Variants in ITGA3 observed in about 807,000 individuals in gnomAD.
The protein encoded by ITGA3 is integrin subunit alpha 3.
A neutral mutation model predicts 131.1 loss-of-function variants in ITGA3; 70 were observed. That is an observed-to-expected ratio of 0.53 (90% CI 0.44 to 0.65). The LOEUF (loss-of-function observed/expected upper bound fraction) is 0.65. ITGA3 is among the 30% of genes least tolerant of loss of function. ITGA3 has a pLI of 0.00. For missense variants in ITGA3, 1,098 were observed against 1,388.6 expected (o/e 0.79, Z 3.33); for synonymous variants, 537 against 571.6 (o/e 0.94, Z 0.86).
intron 25 of ITGA3, 98 bp downstream of exon 25, chr17:50,088,464 C>A: frequency 1.5e-6 from 1 of 646,246 alleles, no homozygotes. Flanking sequence ...CCTGCTCTGA[C>A]CTCATTCTGT....
chr17:50,075,745 G>C lies in ITGA3; in HGVS notation c.1674+10G>C. 2 of 1,613,846 alleles carry C rather than the reference G, an allele frequency of 1.2e-6. No homozygotes were observed. The highest frequency in any genetic ancestry group is 1.7e-6 in the Non-Finnish European group (2 of 1,179,816). ...GGAGCTGCTCCTGATGGTGAGGGAGGAGCAAGGGTCAGGATGAGGGCTCCC... is the reference window on the plus strand; with the variant it reads ...GGAGCTGCTCCTGATGGTGAGGGAGCAGCAAGGGTCAGGATGAGGGCTCCC... On this transcript the variant is annotated intron_variant, in intron 12 of 25. Transcript: ENST00000320031.
chr17:50,083,491 G>C (rs1419924832), intron 23 of ITGA3, among the ~76,000 whole-genome samples: 2 of 151,814 alleles, frequency 1.3e-5, no homozygotes, highest in Non-Finnish European at 2.9e-5. Flanking sequence ...TGGAGACTGA[G>C]GCAGGCAGGT....
chr17:50,072,332 TAGAG>T (rs1908671155), intron 7 of ITGA3, 150 bp downstream of exon 7: 2 of 692,982 alleles, frequency 2.9e-6, no homozygotes, highest in Non-Finnish European at 4.8e-6. Flanking sequence ...GCAGCAGTAC[TAGAG>T]AGAGGATGTG....
At chr17:50,078,762 C>A (rs1002321097) in intron 18 of ITGA3, 62 bp from the exon 19 acceptor site, 3 of 952,566 alleles carry the variant, frequency 3.1e-6, no homozygotes, top group South Asian at 2.8e-5. Flanking sequence ...TGGTGCCCAC[C>A]CCCCTCTGCC....
At chr17:50,084,261 AATG>A (rs1267445761) in intron 23 of ITGA3, among the ~76,000 whole-genome samples, 1 of 150,010 alleles carries the variant, frequency 6.7e-6, no homozygotes, top group Non-Finnish European at 1.5e-5. Context: ...AAAAAAGAAT[AATG>A]CTGTCTAATG....
rs1475429202 is a variant in ITGA3, at chr17:50,079,551, T to C, written c.2700T>C (p.Thr900=). Residue 900 remains threonine (T), a synonymous_variant, in exon 21 of 26, where the codon ACT becomes ACC. Coordinates refer to ENST00000320031, the MANE Select transcript of ITGA3 (RefSeq NM_002204.4). ...CTGCCAAAAAAGCCAAGTCTGAGACTGTGCTGGTGAGTGGCCAGGGCGAGG... is the reference window on the plus strand; with the variant it reads ...CTGCCAAAAAAGCCAAGTCTGAGACCGTGCTGGTGAGTGGCCAGGGCGAGG... The part of the protein sequence containing the change: ...LAAAKKAKSE[T]VLTCATGRAH... 2 of 1,529,180 alleles carry C rather than the reference T, an allele frequency of 1.3e-6. No individual in the cohort carries two copies. The highest frequency in any genetic ancestry group is 1.3e-5 in the South Asian group (1 of 77,926). 94.7% of individuals were successfully genotyped at this position (1,529,180 alleles called of 1,614,324 possible).
At chr17:50,085,771 TAC>T in intron 23 of ITGA3, among the ~76,000 whole-genome samples, 1 of 124,098 alleles carries the variant, frequency 8.1e-6, no homozygotes, top group Non-Finnish European at 1.8e-5. Context: ...TATTAGATTA[TAC>T]ATTATAGATT....
At chr17:50,073,363 TG>T (rs1364569104) in intron 7 of ITGA3, among the ~76,000 whole-genome samples, 11 of 152,304 alleles carry the variant, frequency 7.2e-5, no homozygotes, top group African/African-American at 2.4e-4. Flanking sequence ...TGTACAACTC[TG>T]GGTTTTTGGA....
At chr17:50,087,137 A>T (rs1313685334) in intron 23 of ITGA3, 1 of 152,190 alleles carries the variant, frequency 6.6e-6, no homozygotes, top group Admixed American at 6.5e-5. Flanking sequence ...GTGAATATTT[A>T]TGGAGTGTTT....
In ITGA3 at chr17:50,064,216, G is replaced by A; in HGVS notation, c.334+12G>A. The A allele has an allele frequency of 6.3e-7, 1 of 1,599,754 alleles. No homozygotes were observed. Among genetic ancestry groups the A allele is most frequent in the South Asian group, 1.1e-5 (1 of 88,524 alleles). On this transcript the variant is annotated intron_variant, in intron 2 of 25. Transcript: ENST00000320031. This position sits in a 1 kb window ranked among gnomAD's most constrained non-coding sequence, Gnocchi z 4.4. ...CATCACAGTGAAAAGTGAGGGGAAG[G>A]GGCTGGGGAGGGGTGCTGGGTCAGA... is the stretch of plus-strand genomic sequence containing the variant.
intron 18 of ITGA3, 149 bp downstream of exon 18, chr17:50,078,433 C>A: frequency 1.6e-6 from 1 of 631,150 alleles, no homozygotes; most frequent in Non-Finnish European, 2.8e-6. Flanking sequence ...CTTTTCTTAA[C>A]AACAACAATC....
At chr17:50,071,178 T>C (rs1259486882) in intron 5 of ITGA3, 133 bp from the exon 6 acceptor site, 4 of 849,734 alleles carry the variant, frequency 4.7e-6, no homozygotes, top group Non-Finnish European at 7.4e-6. Flanking sequence ...TGGAGTCTAC[T>C]TTCTTGCCCT....
chr17:50,085,563 C>A lies in ITGA3; in HGVS notation c.2920-2181C>A, dbSNP rs375412764. ...CCTGTAATCTCAGAAACTCAGGAGG[C>A]TGAGGCAGGAGAATTGCTTGAGCCC... is the stretch of plus-strand genomic sequence containing the variant. On this transcript the variant is annotated intron_variant, in intron 23 of 25. Coordinates refer to ENST00000320031, the MANE Select transcript of ITGA3 (RefSeq NM_002204.4). Among the ~76,000 whole-genome samples, 41 of 151,788 alleles carry A rather than the reference C, an allele frequency of 2.7e-4. No individual in the cohort carries two copies. The South Asian group carries it at 5.0e-3, about 18-fold the overall frequency.
chr17:50,068,387 G>T, intron 4 of ITGA3, 82 bp downstream of exon 4: 1 of 1,492,244 alleles, frequency 6.7e-7, no homozygotes, highest in Non-Finnish European at 9.1e-7. Flanking sequence ...AGCTGGCCTA[G>T]ACCATCCACA....
At chr17:50,067,721 G>C (rs1289383075) in intron 3 of ITGA3, among the ~76,000 whole-genome samples, 3 of 152,182 alleles carry the variant, frequency 2.0e-5, no homozygotes, top group Non-Finnish European at 4.4e-5. Flanking sequence ...AGATGGCAGA[G>C]CAGCAAGTCC....
chr17:50,075,446 A>T lies in ITGA3; in HGVS notation c.1470-13A>T, dbSNP rs199788238. ...CCCACTGTGACCCGCCCTCCTGTAC[A>T]TCCCTCCAACAGTGTGCAAGTGGAG... is the stretch of plus-strand genomic sequence containing the variant. On this transcript the variant is annotated splice_polypyrimidine_tract_variant and intron_variant, in intron 10 of 25. Transcript: ENST00000320031. 25 of 1,614,136 alleles carry T rather than the reference A, an allele frequency of 1.5e-5. No homozygotes were observed. In the East Asian group the frequency reaches 3.1e-4, roughly 20 times the overall value.
At position 50,075,587 on chromosome 17, in the gene ITGA3, G is replaced by C; in HGVS notation, c.1538-12G>C. On this transcript the variant is annotated splice_polypyrimidine_tract_variant and intron_variant, in intron 11 of 25. Coordinates refer to ENST00000320031, the MANE Select transcript of ITGA3 (RefSeq NM_002204.4). ...CCCCTGTCCCCTTGCTGACCACCCT[G>C]TCTACCTGTAGCCCTGGCCTACACT... The C allele has an allele frequency of 6.2e-7, 1 of 1,614,252 alleles. No homozygotes were observed. Among genetic ancestry groups the C allele is most frequent in the East Asian group, 2.2e-5 (1 of 44,884 alleles).
Position 50,064,685 on chromosome 17 carries a change from G to A in ITGA3, c.414+78G>A. 2 of 1,233,230 alleles carry A rather than the reference G, an allele frequency of 1.6e-6. No homozygotes were observed. Among genetic ancestry groups the A allele is most frequent in the East Asian group, 2.4e-5 (1 of 41,856 alleles). The allele number at this position is 1,233,230 out of a possible 1,614,324, so 76.4% of individuals were successfully genotyped here. A position where few individuals can be genotyped will look rare whatever the true frequency, so the allele number is the denominator to read the frequency against. On this transcript the variant is annotated intron_variant, in intron 3 of 25. Coordinates refer to ENST00000320031, the MANE Select transcript of ITGA3 (RefSeq NM_002204.4). This position sits in a 1 kb window ranked among gnomAD's most constrained non-coding sequence, Gnocchi z 4.4. The stretch of plus-strand genomic sequence containing the variant: ...TCTCCAGAGCTGGGAGGAAAGAAGA[G>A]GGCAGCAGGGGGGTCCACGGCGCGT...
In ITGA3 at chr17:50,087,795, G is replaced by A. The variant is rs781633621; in HGVS notation, c.2971G>A (p.Glu991Lys). 9 of 1,613,168 alleles carry A rather than the reference G, an allele frequency of 5.6e-6. 1 individual carries two copies. The highest frequency in any genetic ancestry group is 2.2e-5 in the East Asian group (1 of 44,884). Residue 991 changes from glutamate (E) to lysine (K), a missense_variant, in exon 24 of 26, where the codon GAG becomes AAG. Around this residue, in one of 3 missense-constraint regions of ITGA3, gnomAD observed 699 missense variants for 829.2 expected, o/e 0.84. Coordinates refer to ENST00000320031, the MANE Select transcript of ITGA3 (RefSeq NM_002204.4). ...ELVEELPAEI[E>K]LWLVLVAVGA... is the part of the protein sequence containing the mutation. ...GGTGGAGGAGCTGCCGGCCGAAATC[G>A]AGCTGTGGCTGGTGCTGGTGGCCGT...
Sources: gnomAD v4.1 joint callset for allele counts (sites outside exome capture counted in the v4.1 genomes callset) on GRCh38, gnomAD v4.1.1 for gene constraint, gnomAD v4.1.1 regional missense constraint, Gnocchi (gnomAD v3.1) non-coding constraint, MANE v1.5 for transcripts, NCBI Gene and HGNC (gene_info 2026-07-23, HGNC 2026-07-21) for gene names.